The following WWOX variants were observed in gnomAD, a reference collection of about 807,000 sequenced individuals.
WWOX encodes WW domain containing oxidoreductase, also known as WW domain-containing oxidoreductase.
A neutral mutation model predicts 46.2 loss-of-function variants in WWOX; 69 were observed. The observed-to-expected ratio is 1.49, with a 90% CI of 1.23 to 1.82. The LOEUF (loss-of-function observed/expected upper bound fraction) is 1.82, where lower values mean the gene tolerates loss of function less well. WWOX is among the 40% of genes most tolerant of loss of function. The pLI, the probability that WWOX is intolerant of heterozygous loss-of-function variation, is 0.00. For missense variants in WWOX, 919 were observed against 542.6 expected (o/e 1.69, Z -6.89); for synonymous variants, 359 against 202.6 (o/e 1.77, Z -6.56).
chr16:78,782,260 A>T (rs1342574550), intron 8 of WWOX, among the ~76,000 whole-genome samples: 1 of 152,004 alleles, frequency 6.6e-6, no homozygotes, highest in Non-Finnish European at 1.5e-5. Flanking sequence ...TCTTCCCTCT[A>T]GTGACCGCTG....
intron 8 of WWOX, among the ~76,000 whole-genome samples, chr16:78,875,990 C>A (rs1484480973): frequency 6.6e-6 from 1 of 152,104 alleles, no homozygotes; most frequent in Non-Finnish European, 1.5e-5. Context: ...TTGAGTTATA[C>A]CCACTTTAGG....
chr16:78,387,094 G>A (rs886676961), intron 6 of WWOX, 146 bp downstream of exon 6: 2 of 783,256 alleles, frequency 2.6e-6, no homozygotes, highest in Non-Finnish European at 4.4e-6. Flanking sequence ...CTGTTAAGGT[G>A]AACCGTATTT....
rs139612393 is a variant in WWOX, at chr16:78,625,236, C to T, written c.1056+192484C>T. Among the ~76,000 whole-genome samples, 606 of 152,242 alleles carry T rather than the reference C, an allele frequency of 4.0e-3. 4 individuals are homozygous for T. Among genetic ancestry groups the T allele is most frequent in the African/African-American group, 0.014 (586 of 41,552 alleles). ...GCGTTTAGGCTGGGGTCACCGGGGT[C>T]GCTGCCCCAGCCCCACTCTTTAGCC... On this transcript the variant is annotated intron_variant, in intron 8 of 8. Coordinates refer to ENST00000566780, the MANE Select transcript of WWOX (RefSeq NM_016373.4).
chr16:78,166,120 A>T (rs1322672064), intron 5 of WWOX, among the ~76,000 whole-genome samples: 1 of 152,168 alleles, frequency 6.6e-6, no homozygotes, highest in Non-Finnish European at 1.5e-5. Context: ...CTTCCAGAAA[A>T]AGGTTATCTA....
chr16:79,211,045 G>GTGTGTGTGTC (rs1315002480), intron 8 of WWOX, among the ~76,000 whole-genome samples: 2 of 151,826 alleles, frequency 1.3e-5, no homozygotes, highest in Non-Finnish European at 2.9e-5. Context: ...GTGTGTGTGT[G>GTGTGTGTGTC]TGTGTGTGTG....
chr16:79,012,781 A>G (rs1221747136), intron 8 of WWOX, among the ~76,000 whole-genome samples: 1 of 152,186 alleles, frequency 6.6e-6, no homozygotes, highest in South Asian at 2.1e-4. Context: ...CACAGCAGGT[A>G]TTCGGTGCAG....
intron 6 of WWOX, among the ~76,000 whole-genome samples, chr16:78,422,201 G>C (rs981991153): frequency 6.6e-6 from 1 of 152,046 alleles, no homozygotes; most frequent in East Asian, 1.9e-4. Context: ...AAAATATGGG[G>C]CTTCTATATG....
intron 5 of WWOX, among the ~76,000 whole-genome samples, chr16:78,266,788 TTCTC>T (rs60393431): frequency 0.037 from 4,319 of 115,500 alleles, 91 homozygotes; most frequent in Middle Eastern, 0.052. Context: ...TATTCTTCTA[TTCTC>T]TCTCTCTCTC....
At chr16:78,218,582 GA>G (rs540201656) in intron 5 of WWOX, among the ~76,000 whole-genome samples, 29 of 149,158 alleles carry the variant, frequency 1.9e-4, no homozygotes, top group South Asian at 1.1e-3. Flanking sequence ...TTCTTCTAAG[GA>G]AAAAAAAAAT....
At chr16:78,152,598 C>A (rs138686110) in intron 4 of WWOX, among the ~76,000 whole-genome samples, 2 of 152,330 alleles carry the variant, frequency 1.3e-5, no homozygotes, top group East Asian at 3.9e-4. Flanking sequence ...AATCTGTCTG[C>A]ATGTGCCTGT....
At chr16:78,232,863 G>A (rs902811471) in intron 5 of WWOX, among the ~76,000 whole-genome samples, 11 of 126,224 alleles carry the variant, frequency 8.7e-5, no homozygotes, top group Non-Finnish European at 1.2e-4. Context: ...TTTTTTTTAA[G>A]ATGGAGTCTC....
chr16:78,328,015 A>G (rs1002245551), intron 5 of WWOX, among the ~76,000 whole-genome samples: 1 of 150,702 alleles, frequency 6.6e-6, no homozygotes, highest in Admixed American at 6.7e-5. Flanking sequence ...AGCTTGGATT[A>G]TGGGTTTGTA....
At chr16:78,511,628 G>T (rs1413739902) in intron 8 of WWOX, among the ~76,000 whole-genome samples, 2 of 152,192 alleles carry the variant, frequency 1.3e-5, no homozygotes, top group African/African-American at 2.4e-5. Flanking sequence ...TTCAGACAGA[G>T]GTTGCCAATA....
chr16:79,057,354 A>G (rs1228252521), intron 8 of WWOX, among the ~76,000 whole-genome samples: 1 of 152,238 alleles, frequency 6.6e-6, no homozygotes, highest in Non-Finnish European at 1.5e-5. Context: ...CCCCCAAATT[A>G]TCGAAGAGAA....
chr16:78,793,870 G>A (rs931949378), intron 8 of WWOX, among the ~76,000 whole-genome samples: 2 of 151,742 alleles, frequency 1.3e-5, no homozygotes, highest in East Asian at 1.9e-4. Context: ...GAGGGCAGGA[G>A]TTCAAGACCT....
At chr16:78,100,479 AC>A (rs1182291320) in intron 1 of WWOX, among the ~76,000 whole-genome samples, 3 of 152,134 alleles carry the variant, frequency 2.0e-5, no homozygotes, top group Non-Finnish European at 4.4e-5. Flanking sequence ...GTCTCGAACT[AC>A]TGGGCTCAAG....
At chr16:79,196,297 A>G (rs2051238777) in intron 8 of WWOX, 1 of 152,202 alleles carries the variant, frequency 6.6e-6, no homozygotes, top group Admixed American at 6.5e-5. Flanking sequence ...TAACGTGCAG[A>G]TTTCACAATG....
rs77233353 is a variant in WWOX, at chr16:78,146,494, G to T, written c.410-17689G>T. Among the ~76,000 whole-genome samples the T allele has an allele frequency of 6.3e-3, 957 of 152,214 alleles. 3 individuals carry two copies. The highest frequency in any genetic ancestry group is 0.011 in the Non-Finnish European group (767 of 67,998). ...ATCAGCCTCAGCTGGAAGCTCCTCC[G>T]TGCATCCCTCACATTCACACAAGCA... On this transcript the variant is annotated intron_variant, in intron 4 of 8. Transcript: ENST00000566780.
chr16:78,820,004 T>A (rs983086805), intron 8 of WWOX, among the ~76,000 whole-genome samples: 3 of 152,202 alleles, frequency 2.0e-5, no homozygotes, highest in African/African-American at 7.2e-5. Flanking sequence ...GGGATGGTAA[T>A]GTGGTGATAT....
Sources: gnomAD v4.1 joint callset for allele counts (sites outside exome capture counted in the v4.1 genomes callset) on GRCh38, gnomAD v4.1.1 for gene constraint, MANE v1.5 for transcripts, NCBI Gene and HGNC (gene_info 2026-07-23, HGNC 2026-07-21) for gene names.